The following WDR36 variants were observed in gnomAD, a reference collection of about 807,000 sequenced individuals.
WDR36 encodes the protein WD repeat-containing protein 36.
In WDR36, 63 loss-of-function variants were observed where a neutral mutation model predicts 112.7. That is an observed-to-expected ratio of 0.56 (90% CI 0.46 to 0.69). The LOEUF (loss-of-function observed/expected upper bound fraction) is 0.69, where lower values mean the gene tolerates loss of function less well. Ranked by LOEUF, WDR36 falls within the 30% of genes least tolerant of loss-of-function variation. The pLI is 0.00. For synonymous variants in WDR36, 410 were observed against 362.2 expected (o/e 1.13, Z -1.50); for missense variants, 1,226 against 1,070.3 (o/e 1.15, Z -2.03).
At chr5:111,110,975 A>G (rs1235744847) in intron 14 of WDR36, 22 bp downstream of exon 14, 2 of 1,609,690 alleles carry the variant, frequency 1.2e-6, no homozygotes, top group East Asian at 2.2e-5. Flanking sequence ...ATGATAATGG[A>G]TTTTCTCTTT....
chr5:111,104,864 A>T (rs1753193747), intron 9 of WDR36, 47 bp downstream of exon 9: 1 of 1,608,304 alleles, frequency 6.2e-7, no homozygotes, highest in Non-Finnish European at 8.5e-7. Flanking sequence ...AAGTATTGAG[A>T]TGTGGGTGCC....
At chr5:111,116,986 G>T (rs1488851267) in intron 16 of WDR36, among the ~76,000 whole-genome samples, 1 of 152,180 alleles carries the variant, frequency 6.6e-6, no homozygotes, top group Non-Finnish European at 1.5e-5. Flanking sequence ...CGTGTTTTAG[G>T]TTTAATCTTT....
At chr5:111,098,148 G>A in intron 3 of WDR36, among the ~76,000 whole-genome samples, 1 of 152,114 alleles carries the variant, frequency 6.6e-6, no homozygotes, top group South Asian at 2.1e-4. Flanking sequence ...GTAGGAAGTT[G>A]TTACCACCCC....
chr5:111,127,740 A>G lies in WDR36; in HGVS notation c.*857A>G, dbSNP rs114769038. 4.1e-3 allele frequency: 872 copies of G among 210,400 alleles called. 4 individuals carry two copies. Among genetic ancestry groups the G allele is most frequent in the African/African-American group, 0.019 (820 of 44,204 alleles). 13.0% of individuals were successfully genotyped at this position (210,400 alleles called of 1,614,324 possible). ...CAAGGATAGGTAAGGGAAATTCCAA[A>G]TTCCATTGGAAGATGGCCTTTTACT... On this transcript the variant is annotated 3_prime_UTR_variant, in exon 23 of 23. Coordinates refer to ENST00000513710, the MANE Select transcript of WDR36 (RefSeq NM_139281.3).
At chr5:111,104,003 G>A in intron 7 of WDR36, 85 bp downstream of exon 7, 1 of 1,540,554 alleles carries the variant, frequency 6.5e-7, no homozygotes, top group African/African-American at 1.4e-5. Flanking sequence ...TCTTCTGGTA[G>A]CTTAATCTAA....
intron 2 of WDR36, chr5:111,095,179 A>T (rs1030769421): frequency 1.0e-4 from 52 of 508,448 alleles, no homozygotes; most frequent in Non-Finnish European, 1.7e-4. Flanking sequence ...TTTGTGCTTC[A>T]TGACATTGAC....
intron 16 of WDR36, among the ~76,000 whole-genome samples, chr5:111,118,244 A>G (rs995133598): frequency 2.6e-5 from 4 of 152,204 alleles, no homozygotes; most frequent in African/African-American, 4.8e-5. Context: ...TGCCTTATCC[A>G]CCACATTTCT....
chr5:111,095,097 A>T, intron 2 of WDR36, 150 bp downstream of exon 2: 2 of 707,286 alleles, frequency 2.8e-6, no homozygotes, highest in Non-Finnish European at 4.7e-6. Flanking sequence ...GGGTGCCAGG[A>T]TAAATCATGT....
In WDR36 at chr5:111,104,715, C is replaced by A; in HGVS notation, c.925C>A (p.Pro309Thr). ...NALRIWIFDGPTGEGRLLRFR... is the reference protein window; with the variant it reads ...NALRIWIFDGTTGEGRLLRFR... ...TTGGCAGATATGGATATTTGATGGT[C>A]CTACAGGTGAAGGCCGACTTTTGAG... Residue 309 changes from proline (P) to threonine (T), a missense_variant, in exon 9 of 23, where the codon CCT becomes ACT. Pro to Thr is a conservative substitution (Grantham distance 38). Coordinates refer to ENST00000513710, the MANE Select transcript of WDR36 (RefSeq NM_139281.3). The A allele has an allele frequency of 6.2e-7, 1 of 1,611,106 alleles. No homozygotes were observed. The highest frequency in any genetic ancestry group is 8.5e-7 in the Non-Finnish European group (1 of 1,177,832).
intron 2 of WDR36, among the ~76,000 whole-genome samples, chr5:111,095,700 C>T (rs1752961811): frequency 6.6e-6 from 1 of 151,996 alleles, no homozygotes; most frequent in Admixed American, 6.5e-5. Context: ...GTCCAAAATC[C>T]AAAAAAATCC....
rs376452283 is a variant in WDR36 at position 111,126,683 on chromosome 5, G to A, written c.2539-51G>A. The A allele has an allele frequency of 6.2e-5, 99 of 1,590,014 alleles. No individual in the cohort carries two copies. The African/African-American group carries it at 1.2e-3, about 19-fold the overall frequency. Reference sequence around the variant, plus strand: ...TGGTAGAAAAATTGAATCCAGATTAGGTAAAATTTTAATTTTCTTAAATGT... The same window carrying A: ...TGGTAGAAAAATTGAATCCAGATTAAGTAAAATTTTAATTTTCTTAAATGT... On this transcript the variant is annotated intron_variant, in intron 22 of 22. Coordinates refer to ENST00000513710, the MANE Select transcript of WDR36 (RefSeq NM_139281.3).
Position 111,123,275 on chromosome 5 carries a change from C to G in WDR36, c.2149-530C>G, listed in dbSNP as rs533405223. Among the ~76,000 whole-genome samples the G allele has an allele frequency of 4.8e-4, 73 of 152,118 alleles. 2 individuals carry two copies. In the South Asian group the frequency reaches 0.015, roughly 30 times the overall value. ...TCTTGAATTTTAAAAGCACAAGGTA[C>G]TAAAGAAAAAATTCCAGCAAAATAG... On this transcript the variant is annotated intron_variant, in intron 19 of 22. Transcript: ENST00000513710.
chr5:111,110,195 G>T lies in WDR36; in HGVS notation c.1333G>T (p.Asp445Tyr). The T allele has an allele frequency of 6.2e-7, 1 of 1,609,350 alleles. No individual in the cohort carries two copies. The highest frequency in any genetic ancestry group is 1.7e-4 in the Middle Eastern group (1 of 6,042). ...TGGGTTTTTTTTCTTAAAGGCAGTG[G>T]ATATAACTTCTTGTGGAAACTTTGC... ...KKDDITATAV[D>Y]ITSCGNFAVI... Residue 445 changes from aspartate (D) to tyrosine (Y), a missense_variant, in exon 13 of 23, where the codon GAT becomes TAT. Asp to Tyr is a radical substitution (Grantham distance 160, BLOSUM62 -3). Transcript: ENST00000513710.
rs770078483 is a variant in WDR36, at chr5:111,106,015, A to G, written c.1094-42A>G. Reference sequence around the variant, plus strand: ...CTTTTATATACACTTTTTATTAAGAAGGATTCATAGCTATGTATGTTCCCC... The same window carrying G: ...CTTTTATATACACTTTTTATTAAGAGGGATTCATAGCTATGTATGTTCCCC... On this transcript the variant is annotated intron_variant, in intron 10 of 22. Coordinates refer to ENST00000513710, the MANE Select transcript of WDR36 (RefSeq NM_139281.3). 37 of 1,440,064 alleles carry G rather than the reference A, an allele frequency of 2.6e-5. No individual in the cohort carries two copies. The African/African-American group carries it at 4.6e-4, about 18-fold the overall frequency. The allele number at this position is 1,440,064 out of a possible 1,614,324, so 89.2% of individuals were successfully genotyped here.
chr5:111,105,395 G>T (rs144856618), intron 10 of WDR36, 35 bp downstream of exon 10: 2 of 1,571,938 alleles, frequency 1.3e-6, no homozygotes, highest in African/African-American at 2.7e-5. Flanking sequence ...AGCTGGTCAC[G>T]AAAGAAACAT....
chr5:111,127,500 G>T lies in WDR36; in HGVS notation c.*617G>T, dbSNP rs905037434. On this transcript the variant is annotated 3_prime_UTR_variant, in exon 23 of 23. Transcript: ENST00000513710. ...TGAATGATTGACTCTCAGAGTTGGA[G>T]GATAAACTAATCATCTTCTAGCACA... 2 of 208,646 alleles carry T rather than the reference G, an allele frequency of 9.6e-6. No homozygotes were observed. Among genetic ancestry groups the T allele is most frequent in the East Asian group, 1.4e-4 (2 of 13,876 alleles). 12.9% of individuals were successfully genotyped at this position (208,646 alleles called of 1,614,324 possible).
intron 8 of WDR36, 80 bp downstream of exon 8, chr5:111,104,432 G>A (rs1381366945): frequency 3.2e-6 from 5 of 1,569,902 alleles, no homozygotes; most frequent in Non-Finnish European, 4.4e-6. Flanking sequence ...TAATGTATCA[G>A]CTTTCAACCT....
chr5:111,107,572 A>T, intron 12 of WDR36, 133 bp downstream of exon 12: 1 of 1,194,520 alleles, frequency 8.4e-7, no homozygotes, highest in Non-Finnish European at 1.2e-6. Flanking sequence ...GCATAACCCA[A>T]AGCCACAAAA....
rs1753714028 is a variant in WDR36, at chr5:111,128,277, T to C, written c.*1394T>C. 1 of 187,870 alleles carries C rather than the reference T, an allele frequency of 5.3e-6. No homozygotes were observed. The highest frequency in any genetic ancestry group is 1.1e-5 in the Non-Finnish European group (1 of 89,050). 11.6% of individuals were successfully genotyped at this position (187,870 alleles called of 1,614,324 possible). On this transcript the variant is annotated 3_prime_UTR_variant, in exon 23 of 23. Coordinates refer to ENST00000513710, the MANE Select transcript of WDR36 (RefSeq NM_139281.3). ...GAATGATCTCCAAAAGAAGCAGTCC[T>C]CAAAAGGCATTTACCAGTGATATCT...
Sources: allele counts gnomAD v4.1 joint callset (sites outside exome capture counted in the v4.1 genomes callset), GRCh38; gene constraint gnomAD v4.1.1; transcripts MANE v1.5; gene names NCBI Gene and HGNC (gene_info 2026-07-23, HGNC 2026-07-21).